The following WIPF2 variants were observed in gnomAD, a reference collection of about 807,000 sequenced individuals.
WIPF2 encodes WAS/WASL-interacting protein family member 2.
In WIPF2, 23 loss-of-function variants were observed where a neutral mutation model predicts 38.8. That is an observed-to-expected ratio of 0.59 (90% CI 0.43 to 0.84). The LOEUF (loss-of-function observed/expected upper bound fraction) is 0.84. Among genes scored for constraint, WIPF2 ranks in the 40% least tolerant of loss-of-function variants. WIPF2 has a pLI of 0.00. For synonymous variants in WIPF2, 210 were observed against 223.2 expected (o/e 0.94, Z 0.53); for missense variants, 574 against 580.5 (o/e 0.99, Z 0.11).
chr17:40,220,874 A>G (rs2030204231), intron 1 of WIPF2, among the ~76,000 whole-genome samples: 1 of 146,638 alleles, frequency 6.8e-6, no homozygotes, highest in Admixed American at 7.1e-5. Context: ...TCCCGGGTTC[A>G]CGCCCATTCT....
At chr17:40,223,899 A>G (rs964858552) in intron 1 of WIPF2, among the ~76,000 whole-genome samples, 1 of 151,542 alleles carries the variant, frequency 6.6e-6, no homozygotes, top group Non-Finnish European at 1.5e-5. Context: ...AAAATTATTA[A>G]ATGTTCTTTC....
chr17:40,266,944 T>A (rs1038274587), intron 5 of WIPF2, among the ~76,000 whole-genome samples: 1 of 152,008 alleles, frequency 6.6e-6, no homozygotes, highest in Non-Finnish European at 1.5e-5. Context: ...GGTAGAAGCA[T>A]GTGGAAAGTT....
chr17:40,229,471 G>A (rs930481115), intron 1 of WIPF2, among the ~76,000 whole-genome samples: 3 of 151,684 alleles, frequency 2.0e-5, no homozygotes, highest in African/African-American at 7.3e-5. Context: ...TAGCCAGGCT[G>A]GAGTGCAGTG....
chr17:40,260,792 C>G (rs994369566), intron 3 of WIPF2, 125 bp downstream of exon 3: 4 of 1,281,236 alleles, frequency 3.1e-6, no homozygotes, highest in African/African-American at 3.0e-5. Context: ...TGCTTTGGCT[C>G]TCTTCTTATT....
intron 5 of WIPF2, among the ~76,000 whole-genome samples, chr17:40,266,893 G>T (rs1471657010): frequency 6.6e-6 from 1 of 152,206 alleles, no homozygotes; most frequent in Non-Finnish European, 1.5e-5. Context: ...AGGGGAGGCA[G>T]AGCATATAGG....
chr17:40,278,223 T>G lies in WIPF2; in HGVS notation c.1321T>G (p.Ter441GlyextTer29), dbSNP rs1252130009. The change falls in exon 8 of 8, where the codon TGA (stop) becomes GGA (glycine). Residue 441 changes from the stop codon to glycine (G), a stop_lost. Coordinates refer to ENST00000323571, the MANE Select transcript of WIPF2 (RefSeq NM_133264.5). ...CCCACCTCTGCCACCCATTCTCAGG[T>G]GAAGCCTGGCTTGGTCCCGTTCCTC... Reference protein sequence around the residue: ...GAPPLPPILR* With the variant: ...GAPPLPPILRG 6.2e-7 allele frequency: 1 copy of G among 1,613,862 alleles called. No homozygotes were observed. The highest frequency in any genetic ancestry group is 2.2e-5 in the East Asian group (1 of 44,880).
At chr17:40,260,708 C>A (rs2031871269) in intron 3 of WIPF2, 41 bp downstream of exon 3, 1 of 1,612,994 alleles carries the variant, frequency 6.2e-7, no homozygotes, top group Non-Finnish European at 8.5e-7. Context: ...GGCAGGATCC[C>A]AGGAGTGACT....
rs1166569186 is a variant in WIPF2 at position 40,282,134 on chromosome 17, A to C, written c.*3909A>C. ...CGCAAAAAAAAAAAAAAAAAAAAAAAGGATAACTTTAACCGAAGGAAGGGT... is the reference window on the plus strand; with the variant it reads ...CGCAAAAAAAAAAAAAAAAAAAAAACGGATAACTTTAACCGAAGGAAGGGT... On this transcript the variant is annotated 3_prime_UTR_variant, in exon 8 of 8. Coordinates refer to ENST00000323571, the MANE Select transcript of WIPF2 (RefSeq NM_133264.5). 5 of 150,570 alleles carry C rather than the reference A, an allele frequency of 3.3e-5. No homozygotes were observed. In the South Asian group the frequency reaches 8.3e-4, roughly 25 times the overall value. 9.3% of individuals were successfully genotyped at this position (150,570 alleles called of 1,614,324 possible). A position where few individuals can be genotyped will look rare whatever the true frequency, so the allele number is the denominator to read the frequency against.
intron 5 of WIPF2, among the ~76,000 whole-genome samples, chr17:40,265,650 AGAGT>A (rs1393431657): frequency 6.6e-6 from 1 of 152,138 alleles, no homozygotes; most frequent in Non-Finnish European, 1.5e-5. Context: ...AAGACTACAA[AGAGT>A]GAGGGGAGGG....
At chr17:40,228,469 C>T (rs1030648549) in intron 1 of WIPF2, among the ~76,000 whole-genome samples, 3 of 152,076 alleles carry the variant, frequency 2.0e-5, no homozygotes, top group Admixed American at 2.0e-4. Context: ...GCATATATGA[C>T]TGTGTCTGTA....
At position 40,264,989 on chromosome 17, in the gene WIPF2, G is replaced by A. The variant is rs2032040019; in HGVS notation, c.813G>A (p.Glu271=). 14 of 1,613,890 alleles carry A rather than the reference G, an allele frequency of 8.7e-6. No individual in the cohort carries two copies. The highest frequency in any genetic ancestry group is 2.7e-5 in the African/African-American group (2 of 74,888). Residue 271 remains glutamate (E), a synonymous_variant, in exon 5 of 8, where the codon GAG becomes GAA. Coordinates refer to ENST00000323571, the MANE Select transcript of WIPF2 (RefSeq NM_133264.5). ...ATGGACCCTCTAGCCCCACTAATGA[G>A]TCAGCCCCTGAGCTGCCACAGAGAC... ...VPNGPSSPTN[E]SAPELPQRHN...
intron 1 of WIPF2, among the ~76,000 whole-genome samples, chr17:40,228,771 GGT>G (rs2030610090): frequency 6.6e-6 from 1 of 151,914 alleles, no homozygotes; most frequent in South Asian, 2.1e-4. Context: ...TGGGACCACA[GGT>G]GTGTGCACAA....
intron 1 of WIPF2, among the ~76,000 whole-genome samples, chr17:40,233,136 T>C (rs1016813643): frequency 6.6e-6 from 1 of 152,200 alleles, no homozygotes; most frequent in Admixed American, 6.5e-5. Context: ...GTCAAGATAC[T>C]GATTCTAGAG....
chr17:40,265,052 A>G lies in WIPF2; in HGVS notation c.876A>G (p.Arg292=), dbSNP rs1398792383. ...ATAGGAAGACACCAGGGCCTGTCAGAGGCCTAGCACCTCCTCCACCCACCT... is the reference window on the plus strand; with the variant it reads ...ATAGGAAGACACCAGGGCCTGTCAGGGGCCTAGCACCTCCTCCACCCACCT... ...SLHRKTPGPV[R]GLAPPPPTSA... The change falls in exon 5 of 8, where the codon AGA becomes AGG. Residue 292 remains arginine (R), a synonymous_variant. Coordinates refer to ENST00000323571, the MANE Select transcript of WIPF2 (RefSeq NM_133264.5). 6.2e-7 allele frequency: 1 copy of G among 1,614,022 alleles called. No individual in the cohort carries two copies. The highest frequency in any genetic ancestry group is 1.1e-5 in the South Asian group (1 of 91,078).
intron 1 of WIPF2, among the ~76,000 whole-genome samples, chr17:40,247,555 T>A (rs2031414061): frequency 6.6e-6 from 1 of 151,060 alleles, no homozygotes; most frequent in Non-Finnish European, 1.5e-5. Context: ...AGAGTCTTAC[T>A]CCTTCACCCA....
chr17:40,276,604 A>T (rs1048730273), intron 6 of WIPF2, among the ~76,000 whole-genome samples: 2 of 150,656 alleles, frequency 1.3e-5, no homozygotes, highest in African/African-American at 2.4e-5. Context: ...TCTGTGCCTG[A>T]CTTGGTGGAA....
At chr17:40,237,068 C>G (rs1373366386) in intron 1 of WIPF2, among the ~76,000 whole-genome samples, 2 of 151,998 alleles carry the variant, frequency 1.3e-5, no homozygotes, top group East Asian at 3.9e-4. Context: ...CCTTTTCAGT[C>G]TGGAAGCTTA....
chr17:40,249,864 G>A (rs925744974), intron 1 of WIPF2, among the ~76,000 whole-genome samples: 4 of 146,360 alleles, frequency 2.7e-5, no homozygotes, highest in African/African-American at 7.6e-5. Flanking sequence ...ATGGAGTCTC[G>A]CACTGTCACC....
At chr17:40,228,323 AC>A (rs1452166861) in intron 1 of WIPF2, among the ~76,000 whole-genome samples, 2 of 151,544 alleles carry the variant, frequency 1.3e-5, no homozygotes, top group African/African-American at 4.8e-5. Context: ...CCATTTTTAT[AC>A]CTCTTTTGAC....
Sources: gnomAD v4.1 joint callset for allele counts (sites outside exome capture counted in the v4.1 genomes callset) on GRCh38, gnomAD v4.1.1 for gene constraint, MANE v1.5 for transcripts, NCBI Gene and HGNC (gene_info 2026-07-23, HGNC 2026-07-21) for gene names.